RAD18: variants seen among roughly 807,000 people sequenced by gnomAD.
RAD18 encodes RAD18 E3 ubiquitin protein ligase.
In RAD18, 47 loss-of-function variants were observed where a neutral mutation model predicts 60.4. The ratio of observed to expected loss-of-function variants is 0.78; its 90% CI spans 0.62 to 0.99. RAD18 has a LOEUF of 0.99. Ranked by LOEUF, RAD18 falls within the 50% of genes least tolerant of loss-of-function variation. RAD18 has a pLI of 0.00. For missense variants in RAD18, 640 were observed against 593.3 expected, an observed-to-expected ratio of 1.08 and a Z score of -0.82; for synonymous variants, 225 against 195.5, an observed-to-expected ratio of 1.15 and a Z score of -1.26.
rs985158294 is a variant in RAD18 at position 8,959,095 on chromosome 3, C to G, written c.52-94G>C. The G allele has an allele frequency of 5.4e-6, 5 of 923,000 alleles. No homozygotes were observed. The African/African-American group carries it at 8.3e-5, about 15-fold the overall frequency. The allele number at this position is 923,000 out of a possible 1,614,324, so 57.2% of individuals were successfully genotyped here. Reference sequence around the variant, plus strand: ...TTTCTCTATCCCCTAAAAAAAAAATCAAACTCTTTGTCAAATACACAAATT... The same window carrying G: ...TTTCTCTATCCCCTAAAAAAAAAATGAAACTCTTTGTCAAATACACAAATT... On this transcript the variant is annotated intron_variant, in intron 1 of 12. Coordinates refer to ENST00000264926, the MANE Select transcript of RAD18 (RefSeq NM_020165.4).
intron 7 of RAD18, among the ~76,000 whole-genome samples, chr3:8,933,597 G>A (rs748194631): frequency 7.9e-5 from 12 of 152,058 alleles, no homozygotes; most frequent in Non-Finnish European, 1.8e-4. Context: ...ATAAAACATC[G>A]TGTACCACTG....
rs1939420822 is a variant in RAD18 at position 8,879,504 on chromosome 3, T to C, written c.*1853A>G. On this transcript the variant is annotated 3_prime_UTR_variant, in exon 13 of 13. Transcript: ENST00000264926. ...CTTCCAGCCTCCAGAATTCTGAGAA[T>C]ACACATTTCTGTTGTGTAAGCTTCC... The C allele has an allele frequency of 6.6e-6, 1 of 152,282 alleles. No individual in the cohort carries two copies. The highest frequency in any genetic ancestry group is 6.5e-5 in the Admixed American group (1 of 15,284). The allele number at this position is 152,282 out of a possible 1,614,324, so 9.4% of individuals were successfully genotyped here. A position where few individuals can be genotyped will look rare whatever the true frequency, so the allele number is the denominator to read the frequency against.
chr3:8,919,604 G>A (rs970934076), intron 7 of RAD18, among the ~76,000 whole-genome samples: 8 of 152,180 alleles, frequency 5.3e-5, no homozygotes, highest in African/African-American at 1.7e-4. Context: ...ATGTATCCAC[G>A]TGTGCGTATG....
At chr3:8,951,635 T>C (rs1208180579) in intron 2 of RAD18, among the ~76,000 whole-genome samples, 1 of 152,186 alleles carries the variant, frequency 6.6e-6, no homozygotes, top group Non-Finnish European at 1.5e-5. Flanking sequence ...ACAAAAATAA[T>C]AACGAAGTAT....
At position 8,894,759 on chromosome 3, in the gene RAD18, C is replaced by T. The variant is rs1294753407; in HGVS notation, c.1322+4135G>A. ...TCATGCACCACACCCAGTTTAAGCG[C>T]TTTTTTTTTTTTTTTTTTTGAGATG... is the stretch of plus-strand genomic sequence containing the variant. On this transcript the variant is annotated intron_variant, in intron 11 of 12. Coordinates refer to ENST00000264926, the MANE Select transcript of RAD18 (RefSeq NM_020165.4). Among the ~76,000 whole-genome samples, 9 of 120,778 alleles carry T rather than the reference C, an allele frequency of 7.5e-5. No individual in the cohort carries two copies. In the East Asian group the frequency reaches 9.7e-4, roughly 13 times the overall value. 79.2% of individuals were successfully genotyped at this position (120,778 alleles called of 152,430 possible).
chr3:8,918,221 G>C (rs1488175836), intron 7 of RAD18, among the ~76,000 whole-genome samples: 1 of 150,836 alleles, frequency 6.6e-6, no homozygotes, highest in Non-Finnish European at 1.5e-5. Context: ...GGGAGGCTGA[G>C]GCAGGAGAAT....
At chr3:8,931,122 T>C (rs1940545486) in intron 7 of RAD18, among the ~76,000 whole-genome samples, 1 of 152,166 alleles carries the variant, frequency 6.6e-6, no homozygotes, top group Non-Finnish European at 1.5e-5. Flanking sequence ...ATAAAAATCC[T>C]ATGAAATCTA....
intron 7 of RAD18, among the ~76,000 whole-genome samples, chr3:8,923,555 T>C (rs1318221948): frequency 6.6e-6 from 1 of 151,862 alleles, no homozygotes; most frequent in African/African-American, 2.4e-5. Flanking sequence ...ATTCAGGAAA[T>C]ACAGAGAACG....
chr3:8,914,084 T>C (rs45600840), intron 7 of RAD18, among the ~76,000 whole-genome samples: 7 of 152,324 alleles, frequency 4.6e-5, no homozygotes, highest in African/African-American at 7.2e-5. Context: ...CAAATTCCAA[T>C]GTACTAAATG....
intron 10 of RAD18, among the ~76,000 whole-genome samples, chr3:8,900,066 T>A (rs1208249293): frequency 3.3e-5 from 5 of 152,168 alleles, no homozygotes; most frequent in Admixed American, 3.3e-4. Flanking sequence ...TTCATACAGT[T>A]AAATTTTTTT....
chr3:8,963,224 G>A (rs1227414601), intron 1 of RAD18, 111 bp downstream of exon 1: 1 of 1,249,624 alleles, frequency 8.0e-7, no homozygotes, highest in Non-Finnish European at 1.1e-6. Flanking sequence ...CCCGGGCCCA[G>A]TGCGACGCTC....
At chr3:8,920,420 A>G (rs1345314008) in intron 7 of RAD18, among the ~76,000 whole-genome samples, 6 of 152,306 alleles carry the variant, frequency 3.9e-5, no homozygotes, top group African/African-American at 1.2e-4. Context: ...CAACTATCAC[A>G]GAAAAGAATA....
chr3:8,877,708 G>A lies in RAD18; in HGVS notation c.*3649C>T, dbSNP rs1013722787. ...GCTCATCTTCCCTTCTGATCTACAA[G>A]CTCCATCAGGGCAGGAACTGTCTTT... On this transcript the variant is annotated 3_prime_UTR_variant, in exon 13 of 13. Coordinates refer to ENST00000264926, the MANE Select transcript of RAD18 (RefSeq NM_020165.4). The A allele has an allele frequency of 2.0e-5, 3 of 152,232 alleles. No homozygotes were observed. The highest frequency in any genetic ancestry group is 1.9e-4 in the East Asian group (1 of 5,180). The allele number at this position is 152,232 out of a possible 1,614,324, so 9.4% of individuals were successfully genotyped here.
chr3:8,963,230 C>T (rs1432327989), intron 1 of RAD18, 105 bp downstream of exon 1: 1 of 1,285,520 alleles, frequency 7.8e-7, no homozygotes, highest in Non-Finnish European at 1.1e-6. Flanking sequence ...CCCAGTGCGA[C>T]GCTCGCGCCT....
chr3:8,918,740 G>A (rs1192231271), intron 7 of RAD18, among the ~76,000 whole-genome samples: 4 of 152,184 alleles, frequency 2.6e-5, no homozygotes, highest in Admixed American at 6.5e-5. Flanking sequence ...CAGAAACCTT[G>A]ATAATACTTG....
Position 8,879,342 on chromosome 3 carries a change from C to G in RAD18, c.*2015G>C, listed in dbSNP as rs1254876249. The G allele has an allele frequency of 6.6e-6, 1 of 152,172 alleles. No individual in the cohort carries two copies. The highest frequency in any genetic ancestry group is 2.1e-4 in the South Asian group (1 of 4,818). The allele number at this position is 152,172 out of a possible 1,614,324, so 9.4% of individuals were successfully genotyped here. A position where few individuals can be genotyped will look rare whatever the true frequency, so the allele number is the denominator to read the frequency against. On this transcript the variant is annotated 3_prime_UTR_variant, in exon 13 of 13. Transcript: ENST00000264926. ...TGAGGCCATACGCATGGGCCCTGAT[C>G]CAATGACTGCTGTCCCTACAAGAAA...
chr3:8,938,908 T>C (rs1372810182), intron 6 of RAD18, among the ~76,000 whole-genome samples: 1 of 152,134 alleles, frequency 6.6e-6, no homozygotes, highest in Non-Finnish European at 1.5e-5. Flanking sequence ...AACTTATATG[T>C]GTAACAATAG....
At chr3:8,958,196 C>T (rs918351478) in intron 2 of RAD18, among the ~76,000 whole-genome samples, 3 of 152,200 alleles carry the variant, frequency 2.0e-5, no homozygotes, top group Non-Finnish European at 4.4e-5. Flanking sequence ...AACTTTTCCA[C>T]CAAAGCTACT....
At chr3:8,945,530 G>A (rs1450875235) in intron 4 of RAD18, among the ~76,000 whole-genome samples, 5 of 136,652 alleles carry the variant, frequency 3.7e-5, no homozygotes, top group Non-Finnish European at 7.7e-5. Flanking sequence ...GGAGTGCAGT[G>A]GCGTGATCTC....
Sources: allele counts gnomAD v4.1 joint callset (sites outside exome capture counted in the v4.1 genomes callset), GRCh38; gene constraint gnomAD v4.1.1; transcripts MANE v1.5; gene names NCBI Gene and HGNC (gene_info 2026-07-23, HGNC 2026-07-21).